Variants in KIAA1549L observed in about 807,000 individuals in gnomAD.
KIAA1549L encodes UPF0606 protein KIAA1549L.
Under a neutral mutation model 160.7 loss-of-function variants are expected in KIAA1549L, and 88 were observed. That is an observed-to-expected ratio of 0.55 (90% CI 0.46 to 0.65). The LOEUF is 0.65. KIAA1549L is among the 30% of genes least tolerant of loss of function. The pLI, the probability that KIAA1549L is intolerant of heterozygous loss-of-function variation, is 0.00. For synonymous variants in KIAA1549L, 950 were observed against 976.7 expected (o/e 0.97, Z 0.51); for missense variants, 2,258 against 2,437.5 (o/e 0.93, Z 1.55).
At chr11:33,530,436 A>AAATAT (rs1853735474) in intron 1 of KIAA1549L, among the ~76,000 whole-genome samples, 2 of 11,872 alleles carry the variant, frequency 1.7e-4, no homozygotes, top group Non-Finnish European at 2.8e-4. Flanking sequence ...AAAAAAAAAA[A>AAATAT]ATATATATAT....
intron 16 of KIAA1549L, among the ~76,000 whole-genome samples, chr11:33,643,150 C>A (rs1851631830): frequency 6.6e-6 from 1 of 152,188 alleles, no homozygotes; most frequent in African/African-American, 2.4e-5. Flanking sequence ...AGAATGGAAA[C>A]CCTGTGGGGG....
At chr11:33,527,428 A>G (rs1427974410) in intron 1 of KIAA1549L, among the ~76,000 whole-genome samples, 2 of 152,220 alleles carry the variant, frequency 1.3e-5, no homozygotes, top group African/African-American at 4.8e-5. Context: ...TATCTCACCT[A>G]TACAAAAATC....
In KIAA1549L at chr11:33,544,771, C is replaced by A. The variant is rs1341530086; in HGVS notation, c.2778C>A (p.Asp926Glu). The A allele has an allele frequency of 3.8e-6, 6 of 1,590,858 alleles. No homozygotes were observed. The highest frequency in any genetic ancestry group is 5.1e-6 in the Non-Finnish European group (6 of 1,165,602). Reference protein sequence around the residue: ...ASQHPKKWTADTVSSKVQPTA... With the variant: ...ASQHPKKWTAETVSSKVQPTA... ...TTGTTTTTTCTCTCTTTACAGCGGA[C>A]ACAGTATCATCTAAGGTACAGCCAA... is the stretch of plus-strand genomic sequence containing the variant. The change falls in exon 3 of 21, where the codon GAC (aspartate) becomes GAA (glutamate). Residue 926 changes from aspartate to glutamate, a missense_variant. Physicochemically the swap from Asp to Glu is conservative, Grantham distance 45. Around this residue, in one of 6 missense-constraint regions of KIAA1549L, gnomAD observed 41 missense variants for 79.8 expected, o/e 0.51. Transcript: ENST00000658780.
At chr11:33,409,967 A>ACATCTTGTTTTTTTTCTGAC (rs1850754902) in intron 1 of KIAA1549L, among the ~76,000 whole-genome samples, 1 of 152,090 alleles carries the variant, frequency 6.6e-6, no homozygotes, top group African/African-American at 2.4e-5. Flanking sequence ...GCCACAAAGA[A>ACATCTTGTTTTTTTTCTGAC]CATCTTGTTT....
intron 1 of KIAA1549L, among the ~76,000 whole-genome samples, chr11:33,378,055 A>G (rs1405044135): frequency 2.0e-5 from 3 of 152,192 alleles, no homozygotes; most frequent in African/African-American, 7.2e-5. Context: ...CCTCTGACGA[A>G]TTTTAGCCCC....
intron 16 of KIAA1549L, among the ~76,000 whole-genome samples, chr11:33,643,847 G>T (rs905238290): frequency 2.6e-5 from 4 of 152,200 alleles, no homozygotes; most frequent in Admixed American, 2.6e-4. Context: ...TTCAAGGGTT[G>T]CATTCGTGTT....
chr11:33,665,165 G>A (rs1467125760), intron 20 of KIAA1549L: 3 of 152,372 alleles, frequency 2.0e-5, no homozygotes, highest in African/African-American at 7.2e-5. Context: ...GCTTTTGCCC[G>A]AGTTCTTGTC....
chr11:33,665,602 G>GT (rs1337131191), intron 20 of KIAA1549L: 1 of 206 alleles, frequency 4.9e-3, no homozygotes, highest in Middle Eastern at 0.25. Context: ...TGGTCCATGG[G>GT]TGGGACAGAA....
intron 1 of KIAA1549L, among the ~76,000 whole-genome samples, chr11:33,407,075 T>TTTTTCA (rs1400610456): frequency 7.8e-6 from 1 of 127,914 alleles, no homozygotes; most frequent in African/African-American, 3.1e-5. Context: ...TCCTTTTTCT[T>TTTTTCA]TTTTCATTTT....
intron 1 of KIAA1549L, among the ~76,000 whole-genome samples, chr11:33,450,478 T>C (rs187003452): frequency 1.3e-5 from 2 of 152,210 alleles, no homozygotes; most frequent in East Asian, 1.9e-4. Flanking sequence ...GAGAATCACT[T>C]GAGGCTGGGA....
intron 12 of KIAA1549L, among the ~76,000 whole-genome samples, chr11:33,593,504 T>C (rs1026499537): frequency 6.6e-6 from 1 of 152,160 alleles, no homozygotes; most frequent in African/African-American, 2.4e-5. Context: ...AAACAGACTG[T>C]AGGGATGCAG....
chr11:33,412,500 A>G (rs1015705920), intron 1 of KIAA1549L, among the ~76,000 whole-genome samples: 5 of 152,224 alleles, frequency 3.3e-5, no homozygotes, highest in African/African-American at 1.2e-4. Context: ...GTATGCTACC[A>G]TGAGGCAAGA....
At chr11:33,431,963 C>T (rs1389156833) in intron 1 of KIAA1549L, among the ~76,000 whole-genome samples, 1 of 152,232 alleles carries the variant, frequency 6.6e-6, no homozygotes, top group Non-Finnish European at 1.5e-5. Context: ...GGACCCAGTA[C>T]GCCCTCCGTA....
At chr11:33,609,721 T>G in intron 14 of KIAA1549L, 28 bp from the exon 15 acceptor site, 1 of 1,565,766 alleles carries the variant, frequency 6.4e-7, no homozygotes, top group Non-Finnish European at 8.7e-7. Context: ...TGGGTCAGGT[T>G]TGGGCCTGAG....
At chr11:33,649,932 A>G (rs968233620) in intron 17 of KIAA1549L, among the ~76,000 whole-genome samples, 12 of 152,146 alleles carry the variant, frequency 7.9e-5, no homozygotes, top group African/African-American at 1.4e-4. Context: ...CTCCAAATCA[A>G]TTTGAATCTA....
intron 1 of KIAA1549L, among the ~76,000 whole-genome samples, chr11:33,511,140 A>G (rs1853219086): frequency 6.6e-6 from 1 of 152,232 alleles, no homozygotes; most frequent in African/African-American, 2.4e-5. Context: ...ACAGAGGCCA[A>G]GCTTCTGTAG....
chr11:33,558,578 CA>C (rs1854727729), intron 6 of KIAA1549L, among the ~76,000 whole-genome samples: 2 of 151,848 alleles, frequency 1.3e-5, no homozygotes, highest in East Asian at 3.9e-4. Context: ...CAGAAATTCA[CA>C]AAAAAAGGCC....
At chr11:33,536,719 T>C (rs1230772917) in intron 1 of KIAA1549L, among the ~76,000 whole-genome samples, 3 of 152,178 alleles carry the variant, frequency 2.0e-5, no homozygotes, top group Non-Finnish European at 4.4e-5. Flanking sequence ...ACACAAACTA[T>C]TTAAATCAAT....
At chr11:33,394,696 T>C (rs1333662542) in intron 1 of KIAA1549L, among the ~76,000 whole-genome samples, 1 of 152,176 alleles carries the variant, frequency 6.6e-6, no homozygotes, top group East Asian at 1.9e-4. Flanking sequence ...CCCCCAAATC[T>C]ACAATGGCTT....
Sources: allele counts gnomAD v4.1 joint callset (sites outside exome capture counted in the v4.1 genomes callset), GRCh38; gene constraint gnomAD v4.1.1; regional missense constraint gnomAD v4.1.1; transcripts MANE v1.5; gene names NCBI Gene and HGNC (gene_info 2026-07-23, HGNC 2026-07-21).